The following KLF12 variants were observed in gnomAD, a reference collection of about 807,000 sequenced individuals.
KLF12 encodes Krueppel-like factor 12.
KLF12 carries 9 observed loss-of-function variants against 37.8 expected under a neutral mutation model. The observed-to-expected ratio is 0.24, with a 90% confidence interval of 0.14 to 0.42. The LOEUF is 0.42. KLF12 is among the 10% of genes least tolerant of loss of function. The pLI, the probability that KLF12 is intolerant of heterozygous loss-of-function variation, is 1.00. For synonymous variants in KLF12, 208 were observed against 202.1 expected, an observed-to-expected ratio of 1.03 and a Z score of -0.25; for missense variants, 411 against 516.0, an observed-to-expected ratio of 0.80 and a Z score of 1.97.
At chr13:73,898,895 A>C (rs919909198) in intron 3 of KLF12, among the ~76,000 whole-genome samples, 2 of 152,226 alleles carry the variant, frequency 1.3e-5, no homozygotes, top group Non-Finnish European at 2.9e-5. Context: ...ACGGCATTAC[A>C]ATGGTGTGAG....
intron 2 of KLF12, among the ~76,000 whole-genome samples, chr13:73,970,086 G>A (rs1449669277): frequency 1.3e-5 from 2 of 152,080 alleles, no homozygotes; most frequent in African/African-American, 2.4e-5. Flanking sequence ...TATAGCTGGT[G>A]CAATTTTGTA....
At chr13:73,951,656 G>A (rs1310014658) in intron 2 of KLF12, among the ~76,000 whole-genome samples, 3 of 152,162 alleles carry the variant, frequency 2.0e-5, no homozygotes, top group Admixed American at 6.5e-5. Flanking sequence ...CAATGGAGAG[G>A]AGAGCTCTAA....
At chr13:74,038,422 G>T (rs1296540814) in intron 1 of KLF12, among the ~76,000 whole-genome samples, 2 of 152,154 alleles carry the variant, frequency 1.3e-5, no homozygotes, top group African/African-American at 2.4e-5. Flanking sequence ...AACATGATAT[G>T]ATCTTTGATC....
chr13:73,908,963 C>G (rs1168152714), intron 3 of KLF12, among the ~76,000 whole-genome samples: 1 of 152,136 alleles, frequency 6.6e-6, no homozygotes, highest in African/African-American at 2.4e-5. Context: ...CAATGAATGA[C>G]AACACGAGGT....
At chr13:74,240,995 G>T in the KLF12 span, among the ~76,000 whole-genome samples, 3 of 151,934 alleles carry the variant, frequency 2.0e-5, no homozygotes, top group African/African-American at 7.3e-5. Context: ...GAGGAACTGC[G>T]TTCCTTTGGA....
chr13:73,729,565 C>G (rs1876912328), intron 6 of KLF12, among the ~76,000 whole-genome samples: 1 of 152,194 alleles, frequency 6.6e-6, no homozygotes, highest in Non-Finnish European at 1.5e-5. Flanking sequence ...GCTCTTGTCT[C>G]TACTCCTCTT....
At chr13:74,200,347 C>G in the KLF12 span, among the ~76,000 whole-genome samples, 1 of 152,042 alleles carries the variant, frequency 6.6e-6, no homozygotes. Flanking sequence ...TAGAACTGAC[C>G]GGCTGGGGGA....
At chr13:74,160,426 T>C in the KLF12 span, among the ~76,000 whole-genome samples, 11 of 152,220 alleles carry the variant, frequency 7.2e-5, no homozygotes, top group Non-Finnish European at 1.5e-4. Flanking sequence ...TGTATATTTT[T>C]TGTTGCAGAG....
chr13:74,085,838 C>T (rs1232321307), intron 1 of KLF12, among the ~76,000 whole-genome samples: 3 of 152,120 alleles, frequency 2.0e-5, no homozygotes, highest in Non-Finnish European at 4.4e-5. Flanking sequence ...GGAGCAAATA[C>T]CAACTTCTGA....
chr13:73,713,758 A>G (rs1476435248), intron 7 of KLF12, among the ~76,000 whole-genome samples: 2 of 152,202 alleles, frequency 1.3e-5, no homozygotes, highest in Non-Finnish European at 2.9e-5. Flanking sequence ...CTTTAATAGT[A>G]CCTGATTAAA....
intron 5 of KLF12, among the ~76,000 whole-genome samples, chr13:73,778,083 G>T (rs146650922): frequency 2.0e-5 from 3 of 148,988 alleles, no homozygotes; most frequent in Non-Finnish European, 4.5e-5. Context: ...TCAGTGAGCT[G>T]AGATCATGCC....
At chr13:74,209,526 A>T in the KLF12 span, among the ~76,000 whole-genome samples, 1 of 137,542 alleles carries the variant, frequency 7.3e-6, no homozygotes, top group East Asian at 2.1e-4. Context: ...TCTTAGTCAC[A>T]CACACACACA....
At chr13:74,285,304 C>G in the KLF12 span, among the ~76,000 whole-genome samples, 1 of 152,030 alleles carries the variant, frequency 6.6e-6, no homozygotes, top group East Asian at 1.9e-4. Flanking sequence ...ATTAATAATG[C>G]ATAATAACAA....
chr13:74,296,946 A>G, the KLF12 span, among the ~76,000 whole-genome samples: 1 of 152,316 alleles, frequency 6.6e-6, no homozygotes, highest in East Asian at 1.9e-4. Flanking sequence ...ATTAATGACA[A>G]ATTTGTAGCT....
At chr13:74,011,562 C>T (rs949554304) in intron 1 of KLF12, among the ~76,000 whole-genome samples, 4 of 151,942 alleles carry the variant, frequency 2.6e-5, no homozygotes, top group African/African-American at 9.7e-5. Flanking sequence ...AACTGCAGAT[C>T]AAAAATATTC....
At chr13:74,094,956 T>A (rs1875894622) in intron 1 of KLF12, among the ~76,000 whole-genome samples, 1 of 152,220 alleles carries the variant, frequency 6.6e-6, no homozygotes, top group Admixed American at 6.5e-5. Context: ...ATTTCCAGTA[T>A]AAAATGCCTC....
chr13:73,997,539 G>A (rs1892156616), intron 1 of KLF12, among the ~76,000 whole-genome samples: 1 of 152,066 alleles, frequency 6.6e-6, no homozygotes, highest in Admixed American at 6.6e-5. Flanking sequence ...CATGCTAAGG[G>A]GCCTTTAGTT....
At chr13:73,781,031 G>A (rs1030280689) in intron 5 of KLF12, among the ~76,000 whole-genome samples, 21 of 152,144 alleles carry the variant, frequency 1.4e-4, no homozygotes, top group African/African-American at 4.1e-4. Context: ...GTCTTATTTC[G>A]AGAAATTGCC....
chr13:73,884,933 G>A (rs1019971500), intron 3 of KLF12, among the ~76,000 whole-genome samples: 4 of 152,098 alleles, frequency 2.6e-5, no homozygotes, highest in Admixed American at 2.6e-4. Context: ...GACCTCTGGG[G>A]CACCATACTT....
Sources: gnomAD v4.1 joint callset for allele counts (sites outside exome capture counted in the v4.1 genomes callset) on GRCh38, gnomAD v4.1.1 for gene constraint, MANE v1.5 for transcripts, NCBI Gene and HGNC (gene_info 2026-07-23, HGNC 2026-07-21) for gene names.